The following WAPL variants were observed in gnomAD, a reference collection of about 807,000 sequenced individuals.
WAPL encodes wings apart-like protein homolog.
In WAPL, 5 loss-of-function variants were observed where a neutral mutation model predicts 121.0. The ratio of observed to expected loss-of-function variants is 0.04; its 90% confidence interval spans 0.02 to 0.09. The LOEUF is 0.09. Ranked by LOEUF, WAPL falls within the 10% of genes least tolerant of loss-of-function variation. The pLI is 1.00. For missense variants in WAPL, 999 were observed against 1,410.8 expected, an observed-to-expected ratio of 0.71 and a Z score of 4.68; for synonymous variants, 480 against 481.5, an observed-to-expected ratio of 1.00 and a Z score of 0.04.
chr10:86,520,281 G>T (rs1439705745), intron 1 of WAPL, among the ~76,000 whole-genome samples: 1 of 152,138 alleles, frequency 6.6e-6, no homozygotes, highest in Non-Finnish European at 1.5e-5. Context: ...GGCAACAAGG[G>T]CGAAACTCCG....
intron 4 of WAPL, among the ~76,000 whole-genome samples, chr10:86,490,174 G>A (rs750216435): frequency 6.6e-6 from 1 of 150,710 alleles, no homozygotes; most frequent in African/African-American, 2.4e-5. Context: ...AGATCGCGTC[G>A]CCACACTCCA....
chr10:86,467,149 A>T (rs1433713465), intron 9 of WAPL, 130 bp downstream of exon 9: 2 of 775,024 alleles, frequency 2.6e-6, no homozygotes, highest in Non-Finnish European at 2.1e-6. Flanking sequence ...ATCTAAACAT[A>T]AGAAATTTGC....
chr10:86,455,236 C>T (rs1276257742), intron 12 of WAPL, among the ~76,000 whole-genome samples: 2 of 152,158 alleles, frequency 1.3e-5, no homozygotes, highest in Non-Finnish European at 2.9e-5. Flanking sequence ...GCAGTTTTGT[C>T]GAACAGAAAA....
chr10:86,448,457 T>G (rs766611440), intron 15 of WAPL, among the ~76,000 whole-genome samples: 1 of 152,148 alleles, frequency 6.6e-6, no homozygotes, highest in Non-Finnish European at 1.5e-5. Context: ...TATGTATGTA[T>G]GTATAAATCA....
Position 86,472,386 on chromosome 10 carries a change from T to C in WAPL, c.1894-42A>G. 6.3e-7 allele frequency: 1 copy of C among 1,576,036 alleles called. No homozygotes were observed. Among genetic ancestry groups the C allele is most frequent in the Non-Finnish European group, 8.6e-7 (1 of 1,169,516 alleles). On this transcript the variant is annotated intron_variant, in intron 6 of 18. Transcript: ENST00000298767. This position sits in a 1 kb window ranked among gnomAD's most constrained non-coding sequence, Gnocchi z 4.2. ...AGTTCACCCCTTTTTAACTAGGAACTAGCATATTTAAATCTATGGGCTCAC... is the reference window on the plus strand; with the variant it reads ...AGTTCACCCCTTTTTAACTAGGAACCAGCATATTTAAATCTATGGGCTCAC...
chr10:86,462,434 G>C (rs771782070), intron 9 of WAPL, among the ~76,000 whole-genome samples: 1 of 152,002 alleles, frequency 6.6e-6, no homozygotes, highest in Non-Finnish European at 1.5e-5. Flanking sequence ...AGTTGTTCTC[G>C]GCCAGGTGCG....
intron 8 of WAPL, 113 bp downstream of exon 8, chr10:86,470,879 C>G (rs1589512207): frequency 2.5e-6 from 2 of 802,068 alleles, no homozygotes; most frequent in African/African-American, 1.7e-5. Context: ...AAAATGAACT[C>G]AATCTATAAT....
At chr10:86,506,488 A>G (rs1373458151) in intron 2 of WAPL, among the ~76,000 whole-genome samples, 3 of 152,230 alleles carry the variant, frequency 2.0e-5, no homozygotes, top group African/African-American at 7.2e-5. Flanking sequence ...TAAAATGTCA[A>G]TATTGGCCAC....
intron 17 of WAPL, among the ~76,000 whole-genome samples, chr10:86,441,087 T>C (rs950780264): frequency 6.6e-6 from 1 of 152,056 alleles, no homozygotes; most frequent in Admixed American, 6.6e-5. Flanking sequence ...CCCCCTCCTA[T>C]AGGTCTCCAC....
intron 15 of WAPL, among the ~76,000 whole-genome samples, chr10:86,448,577 G>T (rs1283927933): frequency 6.6e-6 from 1 of 152,194 alleles, no homozygotes; most frequent in Admixed American, 6.5e-5. Flanking sequence ...TAAATACTAT[G>T]TACAGTAAGA....
At chr10:86,490,409 A>G (rs1029157752) in intron 4 of WAPL, among the ~76,000 whole-genome samples, 13 of 152,202 alleles carry the variant, frequency 8.5e-5, no homozygotes, top group African/African-American at 2.4e-4. Context: ...TTTAGGCCAG[A>G]TAGATTCCTT....
At chr10:86,486,994 G>T (rs1290814688) in intron 4 of WAPL, among the ~76,000 whole-genome samples, 1 of 152,006 alleles carries the variant, frequency 6.6e-6, no homozygotes, top group African/African-American at 2.4e-5. Context: ...AAATATTGGA[G>T]AATTGAAACT....
At position 86,440,508 on chromosome 10, in the gene WAPL, C is replaced by T. The variant is rs1473720651; in HGVS notation, c.3412-2493G>A. On this transcript the variant is annotated intron_variant, in intron 17 of 18. Transcript: ENST00000298767. ...GGGTTTCACCGTTTCACCGTGTTAG[C>T]CAGGATGGTCTCGATCTCCTGACCT... 2.0e-5 allele frequency among the ~76,000 whole-genome samples: 3 copies of T among 151,930 alleles called. No homozygotes were observed. The South Asian group carries it at 6.2e-4, about 32-fold the overall frequency.
At chr10:86,481,840 T>C (rs1841797247) in intron 4 of WAPL, among the ~76,000 whole-genome samples, 1 of 151,758 alleles carries the variant, frequency 6.6e-6, no homozygotes. Context: ...TTTTATAATG[T>C]TGTACACATT....
intron 1 of WAPL, among the ~76,000 whole-genome samples, chr10:86,520,895 GACTA>G (rs1171695634): frequency 6.6e-6 from 1 of 151,906 alleles, no homozygotes; most frequent in Non-Finnish European, 1.5e-5. Flanking sequence ...GGACGAACCT[GACTA>G]ACCAGAAATC....
intron 9 of WAPL, among the ~76,000 whole-genome samples, chr10:86,462,023 A>G (rs1302995233): frequency 6.6e-6 from 1 of 152,180 alleles, no homozygotes; most frequent in African/African-American, 2.4e-5. Flanking sequence ...CTGTATACAA[A>G]TAATGCTTTA....
At position 86,493,527 on chromosome 10, in the gene WAPL, A is replaced by G. The variant is rs374417799; in HGVS notation, c.1644+3674T>C. Reference sequence around the variant, plus strand: ...CATTTTCTGTATATTTCAAATTTTCATTTATTTATTTATTTATTAAGAGAC... The same window carrying G: ...CATTTTCTGTATATTTCAAATTTTCGTTTATTTATTTATTTATTAAGAGAC... On this transcript the variant is annotated intron_variant, in intron 4 of 18. Transcript: ENST00000298767. Among the ~76,000 whole-genome samples the G allele has an allele frequency of 1.5e-4, 22 of 151,324 alleles. No individual in the cohort carries two copies. In the East Asian group the frequency reaches 3.1e-3, roughly 21 times the overall value.
chr10:86,464,923 G>A (rs1841365399), intron 9 of WAPL, among the ~76,000 whole-genome samples: 1 of 152,160 alleles, frequency 6.6e-6, no homozygotes, highest in African/African-American at 2.4e-5. Flanking sequence ...TTTGCCATCT[G>A]GGCACAACAC....
rs1467077721 is a variant in WAPL at position 86,436,824 on chromosome 10, T to C, written c.*719A>G. ...TAATATTCTCTCAAACTGTTGTTTT[T>C]CTTGTGCCTATAGCTATGACACATT... On this transcript the variant is annotated 3_prime_UTR_variant, in exon 19 of 19. Coordinates refer to ENST00000298767, the MANE Select transcript of WAPL (RefSeq NM_015045.5). 6.5e-6 allele frequency: 1 copy of C among 152,686 alleles called. No individual in the cohort carries two copies. Among genetic ancestry groups the C allele is most frequent in the Non-Finnish European group, 1.5e-5 (1 of 68,044 alleles). 9.5% of individuals were successfully genotyped at this position (152,686 alleles called of 1,614,324 possible). A position where few individuals can be genotyped will look rare whatever the true frequency, so the allele number is the denominator to read the frequency against.
Sources: gnomAD v4.1 joint callset for allele counts (sites outside exome capture counted in the v4.1 genomes callset) on GRCh38, gnomAD v4.1.1 for gene constraint, Gnocchi (gnomAD v3.1) non-coding constraint, MANE v1.5 for transcripts, NCBI Gene and HGNC (gene_info 2026-07-23, HGNC 2026-07-21) for gene names.